The following ATP8A2 variants were observed in gnomAD, a reference collection of about 807,000 sequenced individuals.
ATP8A2 encodes phospholipid-transporting ATPase IB.
A neutral mutation model predicts 165.6 loss-of-function variants in ATP8A2; 100 were observed. The observed-to-expected ratio is 0.60, with a 90% CI of 0.51 to 0.71. The LOEUF is 0.71. Ranked by LOEUF, ATP8A2 falls within the 30% of genes least tolerant of loss-of-function variation. The pLI is 0.00. For missense variants in ATP8A2, 1,227 were observed against 1,479.5 expected (o/e 0.83, Z 2.80); for synonymous variants, 543 against 548.8 (o/e 0.99, Z 0.15).
Position 25,862,370 on chromosome 13 carries a change from T to A in ATP8A2, c.3145T>A (p.Trp1049Arg), listed in dbSNP as rs745828658. The change falls in exon 33 of 37, where the codon TGG becomes AGG. Residue 1049 changes from tryptophan to arginine, a missense_variant. Coordinates refer to ENST00000381655, the MANE Select transcript of ATP8A2 (RefSeq NM_016529.6). ...LVFFGIYSTI[W>R]PTIPIAPDMR... ...GTTTTTTGGCATCTACTCGACCATCTGGCCCACCATTCCCATTGCTCCAGA... is the reference window on the plus strand; with the variant it reads ...GTTTTTTGGCATCTACTCGACCATCAGGCCCACCATTCCCATTGCTCCAGA... 3 of 1,614,000 alleles carry A rather than the reference T, an allele frequency of 1.9e-6. No individual in the cohort carries two copies. The East Asian group carries it at 6.7e-5, about 36-fold the overall frequency.
intron 33 of ATP8A2, among the ~76,000 whole-genome samples, chr13:25,911,666 C>T (rs960232775): frequency 1.3e-5 from 2 of 152,144 alleles, no homozygotes; most frequent in African/African-American, 2.4e-5. Flanking sequence ...GTGGAGACGC[C>T]GCAGAATGTT....
chr13:25,737,981 G>GCCAAA lies in ATP8A2; in HGVS notation c.2385-31063_2385-31059dup, dbSNP rs375970049. Among the ~76,000 whole-genome samples the GCCAAA allele has an allele frequency of 2.5e-3, 379 of 152,328 alleles. 6 individuals are homozygous for GCCAAA. The highest frequency in any genetic ancestry group is 8.8e-3 in the African/African-American group (366 of 41,572). On this transcript the variant is annotated intron_variant, in intron 25 of 36. Coordinates refer to ENST00000381655, the MANE Select transcript of ATP8A2 (RefSeq NM_016529.6). Reference sequence around the variant, plus strand: ...TTACAGGCGTGAGCCATCACACCCAGCCAAACTATCACTTTCAGTTACAGA... The same window carrying GCCAAA: ...TTACAGGCGTGAGCCATCACACCCAGCCAAACCAAACTATCACTTTCAGTTACAGA...
chr13:25,683,708 A>G (rs1348557706), intron 24 of ATP8A2, among the ~76,000 whole-genome samples: 1 of 147,592 alleles, frequency 6.8e-6, no homozygotes, highest in East Asian at 2.0e-4. Flanking sequence ...TTTTTTTATT[A>G]TGAGTCTCTA....
chr13:25,809,926 G>A (rs1418840716), intron 27 of ATP8A2, among the ~76,000 whole-genome samples: 1 of 152,178 alleles, frequency 6.6e-6, no homozygotes, highest in East Asian at 1.9e-4. Context: ...ACATGCATAT[G>A]TGTCAAGTCG....
At chr13:25,960,531 A>G (rs1955635535) in intron 33 of ATP8A2, among the ~76,000 whole-genome samples, 1 of 152,146 alleles carries the variant, frequency 6.6e-6, no homozygotes, top group Non-Finnish European at 1.5e-5. Context: ...CAGAAAAGAA[A>G]TCCGGTGAAC....
intron 2 of ATP8A2, among the ~76,000 whole-genome samples, chr13:25,506,958 TA>T (rs2137738781): frequency 1.4e-5 from 2 of 146,946 alleles, no homozygotes; most frequent in South Asian, 4.3e-4. Context: ...TATATATATA[TA>T]TATCTTATTT....
At position 25,521,885 on chromosome 13, in the gene ATP8A2, T is replaced by C. The variant is rs551568230; in HGVS notation, c.222-8114T>C. Among the ~76,000 whole-genome samples the C allele has an allele frequency of 3.7e-4, 56 of 152,342 alleles. 1 individual carries two copies. The highest frequency in any genetic ancestry group is 2.0e-3 in the Admixed American group (31 of 15,304). On this transcript the variant is annotated intron_variant, in intron 2 of 36. Coordinates refer to ENST00000381655, the MANE Select transcript of ATP8A2 (RefSeq NM_016529.6). ...ATTTGGTTACTACAGCTTTGTAGTA[T>C]GTTTTGAAGTCAGGTAGTGTAATGC... is the stretch of plus-strand genomic sequence containing the variant.
At chr13:25,519,769 A>G (rs1168971728) in intron 2 of ATP8A2, among the ~76,000 whole-genome samples, 1 of 152,092 alleles carries the variant, frequency 6.6e-6, no homozygotes, top group African/African-American at 2.4e-5. Flanking sequence ...ACGAGTGGGA[A>G]TGTCTTTAGG....
rs189318845 is a variant in ATP8A2 at position 25,431,235 on chromosome 13, C to T, written c.77-37742C>T. ...TGTGATCTCAGCTCACCGCAACCTCCGCCTCCCAGATTCAAGTGATTCTCC... is the reference window on the plus strand; with the variant it reads ...TGTGATCTCAGCTCACCGCAACCTCTGCCTCCCAGATTCAAGTGATTCTCC... On this transcript the variant is annotated intron_variant, in intron 1 of 36. Transcript: ENST00000381655. 5.5e-3 allele frequency among the ~76,000 whole-genome samples: 840 copies of T among 152,188 alleles called. 9 individuals are homozygous for T. The highest frequency in any genetic ancestry group is 0.019 in the African/African-American group (802 of 41,510).
intron 22 of ATP8A2, among the ~76,000 whole-genome samples, chr13:25,581,310 A>G (rs1343767909): frequency 6.6e-6 from 1 of 152,230 alleles, no homozygotes; most frequent in South Asian, 2.1e-4. Flanking sequence ...TGGGCCTTTA[A>G]GAGGACCAAA....
At chr13:25,989,415 T>C (rs1181399262) in intron 35 of ATP8A2, among the ~76,000 whole-genome samples, 2 of 152,198 alleles carry the variant, frequency 1.3e-5, no homozygotes, top group African/African-American at 4.8e-5. Context: ...AATTAGCACA[T>C]TTATTTTATT....
chr13:25,540,187 A>G (rs913229269), intron 7 of ATP8A2, 132 bp from the exon 8 acceptor site: 2 of 681,592 alleles, frequency 2.9e-6, no homozygotes, highest in Admixed American at 2.4e-5. Context: ...TACTCCTACT[A>G]TCGTGGTTAT....
intron 24 of ATP8A2, chr13:25,591,298 C>A (rs756254823): frequency 2.2e-6 from 1 of 456,668 alleles, no homozygotes; most frequent in Admixed American, 2.3e-5. Flanking sequence ...CCCCTTTGAA[C>A]AACTACTCTC....
At chr13:25,382,804 G>A (rs938154748) in intron 1 of ATP8A2, among the ~76,000 whole-genome samples, 12 of 150,826 alleles carry the variant, frequency 8.0e-5, no homozygotes, top group Non-Finnish European at 1.6e-4. Context: ...CGCCCAGGCT[G>A]GAGTGCAGTG....
intron 33 of ATP8A2, among the ~76,000 whole-genome samples, chr13:25,879,706 C>A (rs1386600504): frequency 6.6e-6 from 1 of 152,214 alleles, no homozygotes; most frequent in Non-Finnish European, 1.5e-5. Context: ...TGCAGTGGTT[C>A]TTCAAGCAGA....
rs140611130 is a variant in ATP8A2 at position 25,744,000 on chromosome 13, A to G, written c.2385-25046A>G. On this transcript the variant is annotated intron_variant, in intron 25 of 36. Coordinates refer to ENST00000381655, the MANE Select transcript of ATP8A2 (RefSeq NM_016529.6). ...TACATCTACTACTTATGAAAGAAGT[A>G]TGTACTGTCATTTGGAACAGTATAA... is the stretch of plus-strand genomic sequence containing the variant. Among the ~76,000 whole-genome samples the G allele has an allele frequency of 1.8e-3, 269 of 152,344 alleles. 1 individual carries two copies. Among genetic ancestry groups the G allele is most frequent in the African/African-American group, 6.3e-3 (260 of 41,580 alleles).
intron 24 of ATP8A2, among the ~76,000 whole-genome samples, chr13:25,655,703 C>A (rs1039027885): frequency 2.7e-5 from 4 of 150,614 alleles, no homozygotes; most frequent in Non-Finnish European, 4.4e-5. Context: ...GCTTCCCAAG[C>A]TTGTGGCCCC....
intron 1 of ATP8A2, among the ~76,000 whole-genome samples, chr13:25,426,518 G>A (rs1002943529): frequency 2.6e-5 from 4 of 152,110 alleles, no homozygotes; most frequent in Non-Finnish European, 5.9e-5. Flanking sequence ...TATGAAGCAC[G>A]GAGGATTTTG....
At chr13:25,880,782 T>C (rs1397007572) in intron 33 of ATP8A2, 2 of 397,184 alleles carry the variant, frequency 5.0e-6, no homozygotes, top group African/African-American at 4.2e-5. Flanking sequence ...AGTTAATCTT[T>C]TCAACAGAAG....
Sources: gnomAD v4.1 joint callset for allele counts (sites outside exome capture counted in the v4.1 genomes callset) on GRCh38, gnomAD v4.1.1 for gene constraint, MANE v1.5 for transcripts, NCBI Gene and HGNC (gene_info 2026-07-23, HGNC 2026-07-21) for gene names.